DHX9: variants seen among roughly 807,000 people sequenced by gnomAD.
DHX9 encodes the protein DExH-box helicase 9.
A neutral mutation model predicts 148.7 loss-of-function variants in DHX9; 27 were observed. That is an observed-to-expected ratio of 0.18 (90% CI 0.13 to 0.25). The LOEUF (loss-of-function observed/expected upper bound fraction) is 0.25. Among genes scored for constraint, DHX9 ranks in the 10% least tolerant of loss-of-function variants. DHX9 has a pLI of 1.00. For synonymous variants in DHX9, 529 were observed against 516.6 expected, an observed-to-expected ratio of 1.02 and a Z score of -0.33; for missense variants, 796 against 1,559.6, an observed-to-expected ratio of 0.51 and a Z score of 8.25.
chr1:182,845,317 C>G (rs770979604), intron 3 of DHX9, among the ~76,000 whole-genome samples: 1 of 151,446 alleles, frequency 6.6e-6, no homozygotes, highest in African/African-American at 2.4e-5. Context: ...GTGACAAATT[C>G]TCTTATTCTC....
Position 182,887,579 on chromosome 1 carries a change from C to G in DHX9, c.*145C>G. On this transcript the variant is annotated 3_prime_UTR_variant, in exon 28 of 28. Coordinates refer to ENST00000367549, the MANE Select transcript of DHX9 (RefSeq NM_001357.5). ...TGTGGTTCATTGTAGTTTAAGGAAA[C>G]CAAGCATATAGATGCATTAGTGATT... 1 of 680,540 alleles carries G rather than the reference C, an allele frequency of 1.5e-6. No homozygotes were observed. The highest frequency in any genetic ancestry group is 2.5e-6 in the Non-Finnish European group (1 of 405,056). 42.2% of individuals were successfully genotyped at this position (680,540 alleles called of 1,614,324 possible). A position where few individuals can be genotyped will look rare whatever the true frequency, so the allele number is the denominator to read the frequency against.
At chr1:182,887,016 C>A in intron 27 of DHX9, 67 bp from the exon 28 acceptor site, 1 of 1,421,514 alleles carries the variant, frequency 7.0e-7, no homozygotes, top group Non-Finnish European at 9.8e-7. Flanking sequence ...TAAATGTGTA[C>A]ATTTGGTAAG....
intron 12 of DHX9, among the ~76,000 whole-genome samples, chr1:182,861,640 A>G (rs983084395): frequency 6.6e-6 from 1 of 152,228 alleles, no homozygotes; most frequent in African/African-American, 2.4e-5. Flanking sequence ...TCTGCATGTC[A>G]TAAATAGAGT....
At chr1:182,841,739 TGTG>T (rs1342715601) in intron 1 of DHX9, among the ~76,000 whole-genome samples, 16 of 152,234 alleles carry the variant, frequency 1.1e-4, no homozygotes, top group Admixed American at 5.9e-4. Context: ...TGGTTATAAA[TGTG>T]GTCTCATATC....
At chr1:182,876,585 A>G (rs751788513) in intron 18 of DHX9, 44 bp downstream of exon 18, 1 of 1,527,744 alleles carries the variant, frequency 6.5e-7, no homozygotes, top group Non-Finnish European at 9.0e-7. Context: ...AGTGACGTAG[A>G]TACTAAACAA....
intron 3 of DHX9, among the ~76,000 whole-genome samples, chr1:182,845,608 T>C (rs779053391): frequency 1.4e-4 from 22 of 152,130 alleles, no homozygotes; most frequent in Non-Finnish European, 2.6e-4. Context: ...TACCTGGAGA[T>C]AGCGTCAGAC....
At chr1:182,845,380 A>G (rs547779120) in intron 3 of DHX9, among the ~76,000 whole-genome samples, 1 of 152,098 alleles carries the variant, frequency 6.6e-6, no homozygotes, top group Admixed American at 6.5e-5. Flanking sequence ...CACTGGATGT[A>G]GAATTCTGGG....
chr1:182,859,013 T>A, intron 10 of DHX9, 27 bp from the exon 11 acceptor site: 1 of 1,612,694 alleles, frequency 6.2e-7, no homozygotes. Flanking sequence ...TGCTTTTGTT[T>A]GACTATGTTG....
intron 27 of DHX9, 85 bp from the exon 28 acceptor site, chr1:182,886,998 A>T (rs1021332039): frequency 1.5e-5 from 19 of 1,278,498 alleles, no homozygotes; most frequent in Non-Finnish European, 2.0e-5. Context: ...TAAATTTTCA[A>T]ATATAACTAA....
rs961081360 is a variant in DHX9, at chr1:182,858,939, C to T, written c.1062+45C>T. Reference sequence around the variant, plus strand: ...TGAGATCAGAGTCTTGTGTTTTACTCTTGAGACTATATTTGATTAGTATGT... The same window carrying T: ...TGAGATCAGAGTCTTGTGTTTTACTTTTGAGACTATATTTGATTAGTATGT... On this transcript the variant is annotated intron_variant, in intron 10 of 27. Transcript: ENST00000367549. The T allele has an allele frequency of 7.4e-6, 12 of 1,611,144 alleles. No homozygotes were observed. In the African/African-American group the frequency reaches 1.5e-4, roughly 20 times the overall value.
intron 1 of DHX9, among the ~76,000 whole-genome samples, chr1:182,841,911 C>A (rs1179218990): frequency 6.6e-6 from 1 of 152,064 alleles, no homozygotes; most frequent in East Asian, 1.9e-4. Flanking sequence ...AATAGGTTAC[C>A]GTCTTCAGTA....
Position 182,852,255 on chromosome 1 carries a change from C to G in DHX9, c.275C>G (p.Thr92Ser). ...CAGGTAGCATCTCCGCCCCCACTTA[C>G]TGATACTCCTGACACTACAGCAAAT... Reference protein sequence around the residue: ...AFGVASPPPLTDTPDTTANAE... With the variant: ...AFGVASPPPLSDTPDTTANAE... The change falls in exon 4 of 28, where the codon ACT becomes AGT. Residue 92 changes from threonine to serine, a missense_variant. Physicochemically the swap from Thr to Ser is moderately conservative, Grantham distance 58. Coordinates refer to ENST00000367549, the MANE Select transcript of DHX9 (RefSeq NM_001357.5). 6.2e-7 allele frequency: 1 copy of G among 1,611,574 alleles called. No homozygotes were observed. Among genetic ancestry groups the G allele is most frequent in the African/African-American group, 1.3e-5 (1 of 74,948 alleles).
chr1:182,882,254 C>T, intron 24 of DHX9, among the ~76,000 whole-genome samples: 1 of 152,188 alleles, frequency 6.6e-6, no homozygotes. Flanking sequence ...ATGAATTTTA[C>T]AGGTAATGAA....
chr1:182,866,409 AGTT>A (rs1213378220), intron 12 of DHX9, 32 bp from the exon 13 acceptor site: 5 of 1,608,150 alleles, frequency 3.1e-6, no homozygotes, highest in East Asian at 2.2e-5. Flanking sequence ...CTAACTTTGT[AGTT>A]GTTAAGTCAC....
intron 20 of DHX9, 108 bp from the exon 21 acceptor site, chr1:182,879,137 TAAAAG>T: frequency 1.2e-6 from 1 of 836,764 alleles, no homozygotes; most frequent in East Asian, 2.8e-5. Context: ...AATTGTAAAA[TAAAAG>T]GATGAGGAAA....
chr1:182,883,470 T>C lies in DHX9; in HGVS notation c.3145-50T>C, dbSNP rs539136859. 1.3e-5 allele frequency: 20 copies of C among 1,580,790 alleles called. No homozygotes were observed. In the South Asian group the frequency reaches 1.4e-4, roughly 11 times the overall value. ...TCAAAGCACAGTATATAGCGGTATT[T>C]GGAAGTTGGAATGTCAACCATTTTG... On this transcript the variant is annotated intron_variant, in intron 25 of 27. Transcript: ENST00000367549.
At chr1:182,853,864 A>T (rs1329009681) in intron 5 of DHX9, among the ~76,000 whole-genome samples, 166 bp from the exon 6 acceptor site, 1 of 152,048 alleles carries the variant, frequency 6.6e-6, no homozygotes, top group Non-Finnish European at 1.5e-5. Flanking sequence ...GGGCCTTTAG[A>T]TGCAATAAAA....
At chr1:182,847,161 A>T (rs1260765441) in intron 3 of DHX9, among the ~76,000 whole-genome samples, 1 of 152,206 alleles carries the variant, frequency 6.6e-6, no homozygotes, top group African/African-American at 2.4e-5. Flanking sequence ...TAATTCTAAT[A>T]GCTGCTTTAA....
intron 11 of DHX9, among the ~76,000 whole-genome samples, chr1:182,859,508 G>A (rs1018052320): frequency 3.3e-5 from 5 of 152,176 alleles, no homozygotes; most frequent in Admixed American, 3.3e-4. Flanking sequence ...AAAAGAAGTA[G>A]TTCTATTAGA....
Sources: gnomAD v4.1 joint callset for allele counts (sites outside exome capture counted in the v4.1 genomes callset) on GRCh38, gnomAD v4.1.1 for gene constraint, MANE v1.5 for transcripts, NCBI Gene and HGNC (gene_info 2026-07-23, HGNC 2026-07-21) for gene names.